Variants in COBLL1 observed in about 807,000 individuals in gnomAD.
COBLL1 encodes the protein cordon-bleu WH2 repeat protein like 1, also known as cordon-bleu protein-like 1.
Under a neutral mutation model 94.8 loss-of-function variants are expected in COBLL1, and 50 were observed. That is an observed-to-expected ratio of 0.53 (90% confidence interval 0.42 to 0.67). The LOEUF is 0.67. Ranked by LOEUF, COBLL1 falls within the 30% of genes least tolerant of loss-of-function variation. The pLI is 0.00. For synonymous variants in COBLL1, 448 were observed against 473.8 expected (o/e 0.95, Z 0.71); for missense variants, 1,362 against 1,348.7 (o/e 1.01, Z -0.15).
intron 11 of COBLL1, chr2:164,696,770 C>T (rs1683969237): frequency 6.6e-6 from 1 of 152,222 alleles, no homozygotes; most frequent in Non-Finnish European, 1.5e-5. Flanking sequence ...GGAGTCTGCA[C>T]CATGTGCCCA....
intron 2 of COBLL1, among the ~76,000 whole-genome samples, chr2:164,797,505 A>C (rs1410485364): frequency 6.6e-6 from 1 of 152,206 alleles, no homozygotes; most frequent in Non-Finnish European, 1.5e-5. Context: ...AGGGTTATTA[A>C]ACAATATATC....
At chr2:164,676,218 A>T (rs1055792084), downstream of COBLL1, among the ~76,000 whole-genome samples, 4 of 152,206 alleles carry the variant, frequency 2.6e-5, no homozygotes, top group African/African-American at 9.6e-5. Flanking sequence ...TTGAATAGAA[A>T]TTCTTTAATC....
chr2:164,809,447 C>T (rs1036370449), intron 2 of COBLL1, among the ~76,000 whole-genome samples: 1 of 151,880 alleles, frequency 6.6e-6, no homozygotes, highest in Non-Finnish European at 1.5e-5. Context: ...GATATTAACA[C>T]AAAAAATATT....
At chr2:164,689,414 T>C (rs1683475824) in intron 13 of COBLL1, among the ~76,000 whole-genome samples, 1 of 152,150 alleles carries the variant, frequency 6.6e-6, no homozygotes, top group Non-Finnish European at 1.5e-5. Context: ...GGCAATATAA[T>C]TGTTGTTCTA....
chr2:164,835,069 AC>A (rs1683255458), intron 2 of COBLL1, among the ~76,000 whole-genome samples: 1 of 151,956 alleles, frequency 6.6e-6, no homozygotes, highest in Non-Finnish European at 1.5e-5. Context: ...GTAAAAAAAA[AC>A]AAAACAAAAA....
At chr2:164,791,644 T>C (rs1251356644) in intron 2 of COBLL1, among the ~76,000 whole-genome samples, 1 of 152,136 alleles carries the variant, frequency 6.6e-6, no homozygotes, top group Non-Finnish European at 1.5e-5. Context: ...CTCCCTTACA[T>C]CCAGACATCT....
At position 164,699,590 on chromosome 2, in the gene COBLL1, C is replaced by G. The variant is rs143124514; in HGVS notation, c.1461-91G>C. 2.3e-5 allele frequency: 16 copies of G among 702,476 alleles called. No homozygotes were observed. In the Admixed American group the frequency reaches 3.4e-4, roughly 15 times the overall value. The allele number at this position is 702,476 out of a possible 1,614,324, so 43.5% of individuals were successfully genotyped here. A position where few individuals can be genotyped will look rare whatever the true frequency, so the allele number is the denominator to read the frequency against. On this transcript the variant is annotated intron_variant, in intron 10 of 13. Transcript: ENST00000652658. ...AGACACACACACACACAATGAGAAA[C>G]AGGCAATAATTTCCAAAGACAGATG...
At chr2:164,709,324 A>G (rs139699995) in intron 7 of COBLL1, among the ~76,000 whole-genome samples, 2 of 152,324 alleles carry the variant, frequency 1.3e-5, no homozygotes, top group South Asian at 2.1e-4. Flanking sequence ...TTACAACCCT[A>G]TTCTGTGACA....
chr2:164,730,057 T>C lies in COBLL1; in HGVS notation c.289A>G (p.Ser97Gly). Residue 97 changes from serine (S) to glycine (G), a missense_variant, in exon 4 of 14, where the codon AGT becomes GGT. Ser to Gly is a moderately conservative substitution (Grantham distance 56, BLOSUM62 0). Transcript: ENST00000652658. Reference protein sequence around the residue: ...LCAQYHLNPSSYTIDLLSAEQ... With the variant: ...LCAQYHLNPSGYTIDLLSAEQ... ...GCTGACAACAGATCGATTGTGTAACTTGATGGATTTAAGTGATACTGTGCA... is the reference window on the plus strand; with the variant it reads ...GCTGACAACAGATCGATTGTGTAACCTGATGGATTTAAGTGATACTGTGCA... 1.2e-6 allele frequency: 2 copies of C among 1,614,000 alleles called. No homozygotes were observed. The highest frequency in any genetic ancestry group is 2.2e-5 in the East Asian group (1 of 44,864).
intron 2 of COBLL1, among the ~76,000 whole-genome samples, chr2:164,813,509 G>A (rs538963116): frequency 7.2e-5 from 11 of 152,240 alleles, no homozygotes; most frequent in Admixed American, 2.6e-4. Flanking sequence ...CATCAGGGGT[G>A]TTGGTTATTT....
intron 9 of COBLL1, among the ~76,000 whole-genome samples, chr2:164,702,558 C>CAAAAAA (rs56011410): frequency 0.02 from 1,598 of 81,846 alleles, 68 homozygotes; most frequent in African/African-American, 0.065. Flanking sequence ...TGAGACTCCT[C>CAAAAAA]AAAAAAAAAA....
intron 13 of COBLL1, among the ~76,000 whole-genome samples, chr2:164,688,449 G>C (rs1683421235): frequency 1.3e-5 from 2 of 151,934 alleles, no homozygotes; most frequent in South Asian, 4.1e-4. Flanking sequence ...AAACAAGAAG[G>C]TATCACTTGA....
chr2:164,818,348 A>ATGTATACATATACACG (rs1684945647), intron 2 of COBLL1, among the ~76,000 whole-genome samples: 1 of 149,414 alleles, frequency 6.7e-6, no homozygotes, highest in Non-Finnish European at 1.5e-5. Flanking sequence ...ATATATACAT[A>ATGTATACATATACACG]TGTGCATATA....
At position 164,841,462 on chromosome 2, in the gene COBLL1, C is replaced by T. The variant is rs764072809; in HGVS notation, c.-50-216G>A. 6.0e-5 allele frequency: 69 copies of T among 1,142,552 alleles called. No homozygotes were observed. The highest frequency in any genetic ancestry group is 2.4e-4 in the Admixed American group (5 of 20,794). The allele number at this position is 1,142,552 out of a possible 1,614,324, so 70.8% of individuals were successfully genotyped here. ...GGCGCCCAGAGCACGGCGGAGGAGG[C>T]GGTGGCGCTGCAGCCCCCGCCCCGT... On this transcript the variant is annotated intron_variant, in intron 1 of 13. Transcript: ENST00000652658. The surrounding 1 kb of genome is among the most constrained non-coding windows in gnomAD (Gnocchi z 5.5).
intron 2 of COBLL1, among the ~76,000 whole-genome samples, chr2:164,661,774 A>G (rs1457268910): frequency 6.6e-6 from 1 of 152,204 alleles, no homozygotes; most frequent in East Asian, 1.9e-4. Flanking sequence ...AGTAAGTACT[A>G]TAGTATTAGG....
chr2:164,715,250 T>C (rs1685105763), intron 7 of COBLL1, among the ~76,000 whole-genome samples: 1 of 152,178 alleles, frequency 6.6e-6, no homozygotes, highest in Non-Finnish European at 1.5e-5. Context: ...GTTGGTACAT[T>C]TCTCTACTGA....
In COBLL1 at chr2:164,705,085, T is replaced by C; in HGVS notation, c.1017A>G (p.Arg339=). ...TGAGCTGCAGTGAACCTGCCCTCAC[T>C]CTTCCTGCTTCACAGGGACTCTGGA... ...ETDKSPCEAG[R]VRAGSLQLSS... The change falls in exon 8 of 14, where the codon AGA becomes AGG. Residue 339 remains arginine (R), a synonymous_variant. Transcript: ENST00000652658. 1 of 1,545,194 alleles carries C rather than the reference T, an allele frequency of 6.5e-7. No homozygotes were observed. Among genetic ancestry groups the C allele is most frequent in the Non-Finnish European group, 8.7e-7 (1 of 1,149,210 alleles).
At chr2:164,686,567 T>C (rs1055676777) in intron 13 of COBLL1, among the ~76,000 whole-genome samples, 7 of 151,876 alleles carry the variant, frequency 4.6e-5, no homozygotes, top group African/African-American at 1.7e-4. Flanking sequence ...TCTGTGACTG[T>C]TAAGCCAAAT....
Position 164,694,473 on chromosome 2 carries a change from A to G in COBLL1, c.2919T>C (p.Thr973=), listed in dbSNP as rs1427477327. 1 of 1,613,970 alleles carries G rather than the reference A, an allele frequency of 6.2e-7. No individual in the cohort carries two copies. The highest frequency in any genetic ancestry group is 1.7e-5 in the Admixed American group (1 of 59,976). ...VSTQNLKTLK[T]FGAPRPYSSS... The stretch of plus-strand genomic sequence containing the variant: ...TTGAGTATGGTCGTGGGGCACCAAA[A>G]GTTTTCAAAGTCTTCAGATTTTGTG... The change falls in exon 12 of 14, where the codon ACT becomes ACC. Residue 973 remains threonine, a synonymous_variant. Coordinates refer to ENST00000652658, the MANE Select transcript of COBLL1 (RefSeq NM_001365672.2).
Sources: gnomAD v4.1 joint callset for allele counts (sites outside exome capture counted in the v4.1 genomes callset) on GRCh38, gnomAD v4.1.1 for gene constraint, Gnocchi (gnomAD v3.1) non-coding constraint, MANE v1.5 for transcripts, NCBI Gene and HGNC (gene_info 2026-07-23, HGNC 2026-07-21) for gene names.